Variants in POU6F2 observed in about 807,000 individuals in gnomAD.
POU6F2 encodes POU domain, class 6, transcription factor 2.
Under a neutral mutation model 71.3 loss-of-function variants are expected in POU6F2, and 31 were observed. The observed-to-expected ratio is 0.43, with a 90% confidence interval of 0.33 to 0.59. The LOEUF is 0.59. Among genes scored for constraint, POU6F2 ranks in the 20% least tolerant of loss-of-function variants. The pLI is 0.04. For synonymous variants in POU6F2, 347 were observed against 355.7 expected (o/e 0.98, Z 0.27); for missense variants, 783 against 856.8 (o/e 0.91, Z 1.07).
At chr7:39,187,328 T>C (rs1793561093) in intron 2 of POU6F2, among the ~76,000 whole-genome samples, 1 of 152,212 alleles carries the variant, frequency 6.6e-6, no homozygotes, top group African/African-American at 2.4e-5. Flanking sequence ...TGATGGAGGC[T>C]GTGTCTTCGC....
Position 39,267,219 on chromosome 7 carries a change from A to AAC in POU6F2, c.598+59609_598+59610dup, listed in dbSNP as rs138813764. On this transcript the variant is annotated intron_variant, in intron 4 of 9. Transcript: ENST00000518318. Reference sequence around the variant, plus strand: ...GAGGAGGCTGTGGAATAGGAAAGAGAACACACACACAGACGCCCATAAAAT... The same window carrying AAC: ...GAGGAGGCTGTGGAATAGGAAAGAGAACACACACACACAGACGCCCATAAAAT... Among the ~76,000 whole-genome samples the AAC allele has an allele frequency of 3.2e-3, 483 of 152,270 alleles. 6 individuals carry two copies. The East Asian group carries it at 0.035, about 11-fold the overall frequency.
intron 4 of POU6F2, among the ~76,000 whole-genome samples, chr7:39,241,226 A>G (rs534510286): frequency 2.2e-4 from 34 of 152,164 alleles, no homozygotes; most frequent in Non-Finnish European, 1.2e-4. Flanking sequence ...GAACAAAATC[A>G]AGGTTTTCTT....
chr7:38,979,805 C>T (rs888563814), intron 1 of POU6F2, among the ~76,000 whole-genome samples: 2 of 152,010 alleles, frequency 1.3e-5, no homozygotes, highest in Non-Finnish European at 2.9e-5. Context: ...TTCTTAATAC[C>T]GTGCAGAATT....
At chr7:39,206,590 A>T (rs982097308) in intron 3 of POU6F2, among the ~76,000 whole-genome samples, 1 of 152,224 alleles carries the variant, frequency 6.6e-6, no homozygotes, top group African/African-American at 2.4e-5. Context: ...CTTAATAGTT[A>T]TCCAGCTTAC....
intron 1 of POU6F2, among the ~76,000 whole-genome samples, chr7:39,049,457 T>G (rs1288963876): frequency 2.6e-5 from 4 of 152,056 alleles, no homozygotes; most frequent in Non-Finnish European, 5.9e-5. Context: ...TTCCAAATAT[T>G]TGGGGATTCA....
At chr7:39,005,635 T>TG (rs1354083593) in intron 1 of POU6F2, among the ~76,000 whole-genome samples, 2 of 2,924 alleles carry the variant, frequency 6.8e-4, no homozygotes, top group East Asian at 0.5. Flanking sequence ...TTTTAGTTTT[T>TG]GTTTTTTTCA....
At chr7:39,061,653 C>CT (rs35966649) in intron 1 of POU6F2, among the ~76,000 whole-genome samples, 38,391 of 152,018 alleles carry the variant, frequency 0.25, 5,597 homozygotes, top group East Asian at 0.73. Flanking sequence ...ACAGAAAAGT[C>CT]TTTTTGTATT....
At chr7:39,093,175 C>T (rs1232297463) in intron 2 of POU6F2, among the ~76,000 whole-genome samples, 27 of 151,856 alleles carry the variant, frequency 1.8e-4, no homozygotes, top group Admixed American at 1.8e-3. Context: ...AACAATATAA[C>T]TAATAGTCAA....
chr7:39,186,992 C>T (rs1048181918), intron 2 of POU6F2, among the ~76,000 whole-genome samples: 2 of 152,214 alleles, frequency 1.3e-5, no homozygotes, highest in African/African-American at 4.8e-5. Context: ...CTAATGTGAT[C>T]GCCAAGGTGG....
chr7:39,406,833 G>A (rs1372166786), intron 6 of POU6F2, 93 bp downstream of exon 6: 3 of 1,472,926 alleles, frequency 2.0e-6, no homozygotes, highest in East Asian at 2.3e-5. Context: ...ATATGTAACC[G>A]CATCTATTCG....
At position 39,253,325 on chromosome 7, in the gene POU6F2, G is replaced by A. The variant is rs370695058; in HGVS notation, c.598+45705G>A. 1.2e-4 allele frequency among the ~76,000 whole-genome samples: 19 copies of A among 152,354 alleles called. No homozygotes were observed. In the South Asian group the frequency reaches 3.1e-3, roughly 25 times the overall value. On this transcript the variant is annotated intron_variant, in intron 4 of 9. Transcript: ENST00000518318. ...AGAGAGGACCTGTGTGCTCACAGAG[G>A]CAAGAAGCAGGGTAGTAGAAGGTTT...
intron 6 of POU6F2, among the ~76,000 whole-genome samples, chr7:39,409,945 C>G (rs2115910456): frequency 6.6e-6 from 1 of 152,296 alleles, no homozygotes; most frequent in East Asian, 1.9e-4. Context: ...GGAAAAACTT[C>G]AGTTGTTTTT....
intron 2 of POU6F2, among the ~76,000 whole-genome samples, chr7:39,110,252 G>C (rs944670133): frequency 2.3e-5 from 3 of 128,148 alleles, no homozygotes; most frequent in Non-Finnish European, 4.7e-5. Context: ...GGCTGGGACA[G>C]AGCGAAACTC....
chr7:39,244,986 T>A (rs893402399), intron 4 of POU6F2, among the ~76,000 whole-genome samples: 8 of 152,226 alleles, frequency 5.3e-5, no homozygotes, highest in African/African-American at 7.2e-5. Context: ...ATCTCTGAAC[T>A]TCACAGCAGC....
At chr7:39,142,153 A>G (rs1219345437) in intron 2 of POU6F2, among the ~76,000 whole-genome samples, 1 of 152,168 alleles carries the variant, frequency 6.6e-6, no homozygotes, top group Non-Finnish European at 1.5e-5. Flanking sequence ...CTTCTAATAA[A>G]ACTCCAAAAT....
At chr7:39,056,664 GTGTGTGTGTGTGTA>G (rs1562688564) in intron 1 of POU6F2, among the ~76,000 whole-genome samples, 1 of 97,140 alleles carries the variant, frequency 1.0e-5, no homozygotes, top group Non-Finnish European at 2.0e-5. Context: ...CTCTCTCTCT[GTGTGTGTGTGTGTA>G]TGTGTGTGTG....
chr7:39,069,429 C>T (rs533153679), intron 1 of POU6F2, among the ~76,000 whole-genome samples: 18 of 152,268 alleles, frequency 1.2e-4, no homozygotes, highest in African/African-American at 3.9e-4. Flanking sequence ...TATTCATTTT[C>T]TGACGAGCTC....
At chr7:39,159,609 G>T (rs1346171928) in intron 2 of POU6F2, among the ~76,000 whole-genome samples, 1 of 152,180 alleles carries the variant, frequency 6.6e-6, no homozygotes, top group Non-Finnish European at 1.5e-5. Flanking sequence ...TCTGTGCAAA[G>T]CACCTCAGGA....
intron 2 of POU6F2, among the ~76,000 whole-genome samples, chr7:39,201,280 G>A (rs1389481642): frequency 6.6e-6 from 1 of 152,102 alleles, no homozygotes; most frequent in African/African-American, 2.4e-5. Context: ...CCCAGGCAGA[G>A]TTTAAATTTT....
Sources: allele counts gnomAD v4.1 joint callset (sites outside exome capture counted in the v4.1 genomes callset), GRCh38; gene constraint gnomAD v4.1.1; transcripts MANE v1.5; gene names NCBI Gene and HGNC (gene_info 2026-07-23, HGNC 2026-07-21).